The following UBAP2 variants were observed in gnomAD, a reference collection of about 807,000 sequenced individuals.
UBAP2 encodes ubiquitin-associated protein 2.
UBAP2 carries 75 observed loss-of-function variants against 139.6 expected under a neutral mutation model. The ratio of observed to expected loss-of-function variants is 0.54; its 90% CI spans 0.45 to 0.65. The LOEUF is 0.65. UBAP2 is among the 30% of genes least tolerant of loss of function. UBAP2 has a pLI of 0.00. For missense variants in UBAP2, 1,368 were observed against 1,369.6 expected, an observed-to-expected ratio of 1.00 and a Z score of 0.02; for synonymous variants, 526 against 526.2, an observed-to-expected ratio of 1.00 and a Z score of 0.01.
intron 1 of UBAP2, among the ~76,000 whole-genome samples, chr9:34,031,082 C>G (rs895050812): frequency 4.6e-5 from 7 of 151,958 alleles, no homozygotes; most frequent in African/African-American, 1.7e-4. Context: ...AGTTTGAGAC[C>G]AGCCTGGCCA....
At chr9:34,049,176 T>C (rs574894834), upstream of UBAP2, among the ~76,000 whole-genome samples, 28 of 152,304 alleles carry the variant, frequency 1.8e-4, 1 homozygote, top group African/African-American at 6.3e-4. Flanking sequence ...CAACTGCAGC[T>C]CGTCGTCGCG....
At chr9:33,943,691 T>A in intron 14 of UBAP2, 102 bp from the exon 15 acceptor site, 1 of 1,069,310 alleles carries the variant, frequency 9.4e-7, no homozygotes, top group Non-Finnish European at 1.3e-6. Flanking sequence ...CAGGCAATAC[T>A]GGCAAGAAGA....
chr9:34,002,201 A>C (rs893631356), intron 2 of UBAP2, among the ~76,000 whole-genome samples: 8 of 151,846 alleles, frequency 5.3e-5, no homozygotes, highest in African/African-American at 1.9e-4. Context: ...CAATCCTCCT[A>C]CTTCTGCCTC....
chr9:33,962,645 AAAATAAAT>A (rs57313855), intron 9 of UBAP2, among the ~76,000 whole-genome samples: 122 of 139,278 alleles, frequency 8.8e-4, no homozygotes, highest in African/African-American at 2.6e-3. Flanking sequence ...CTCTATCTCA[AAAATAAAT>A]AAATAAATAA....
At chr9:33,941,048 A>G (rs184813304) in intron 16 of UBAP2, among the ~76,000 whole-genome samples, 1 of 152,302 alleles carries the variant, frequency 6.6e-6, no homozygotes, top group East Asian at 1.9e-4. Context: ...GTGACATGAA[A>G]TGTGTATACT....
At chr9:34,008,099 C>A (rs1455487880) in intron 2 of UBAP2, among the ~76,000 whole-genome samples, 1 of 152,000 alleles carries the variant, frequency 6.6e-6, no homozygotes, top group African/African-American at 2.4e-5. Context: ...CGCGCCACTG[C>A]ACTCCAGCAT....
chr9:34,002,071 C>A lies in UBAP2; in HGVS notation c.100-3207G>T, dbSNP rs540095224. 3.3e-5 allele frequency among the ~76,000 whole-genome samples: 5 copies of A among 152,134 alleles called. No individual in the cohort carries two copies. The East Asian group carries it at 5.8e-4, about 18-fold the overall frequency. On this transcript the variant is annotated intron_variant, in intron 2 of 28. Coordinates refer to ENST00000379238, the MANE Select transcript of UBAP2 (RefSeq NM_001370062.2). ...TCCCAGGCTCAAGCACTCCTCTGAC[C>A]TCAGCCTCCTGAGTAGCAACCATGG...
At chr9:34,026,561 C>G (rs149166426) in intron 1 of UBAP2, among the ~76,000 whole-genome samples, 98 of 152,212 alleles carry the variant, frequency 6.4e-4, no homozygotes, top group African/African-American at 2.3e-3. Context: ...GGATGGGTCT[C>G]AGGTCCTTCA....
Position 33,935,896 on chromosome 9 carries a change from G to T in UBAP2, c.1930-18C>A, listed in dbSNP as rs368962515. The T allele has an allele frequency of 1.2e-5, 20 of 1,609,450 alleles. No homozygotes were observed. The Admixed American group carries it at 1.4e-4, about 11-fold the overall frequency. On this transcript the variant is annotated intron_variant, in intron 16 of 28. Transcript: ENST00000379238. ...TGTCCATTCTATAAGGAAAAGAAGA[G>T]AAGAGAATATAAACTTACAAAATGA...
At chr9:33,926,361 G>A (rs1823428585) in intron 22 of UBAP2, among the ~76,000 whole-genome samples, 1 of 152,172 alleles carries the variant, frequency 6.6e-6, no homozygotes, top group African/African-American at 2.4e-5. Context: ...CATTTAACAG[G>A]GGACATGGCC....
chr9:33,959,044 G>T (rs954937940), intron 10 of UBAP2, among the ~76,000 whole-genome samples: 1 of 151,936 alleles, frequency 6.6e-6, no homozygotes, highest in African/African-American at 2.4e-5. Flanking sequence ...AGCTACTCAG[G>T]TGGCTGGGGC....
chr9:33,982,986 T>C (rs1820901062), intron 6 of UBAP2, among the ~76,000 whole-genome samples: 1 of 151,820 alleles, frequency 6.6e-6, no homozygotes, highest in Admixed American at 6.6e-5. Context: ...TTCAAGCAAT[T>C]CTCTGCCCCG....
intron 1 of UBAP2, among the ~76,000 whole-genome samples, chr9:34,044,184 G>A (rs1047922410): frequency 1.3e-5 from 2 of 151,318 alleles, no homozygotes; most frequent in East Asian, 1.9e-4. Flanking sequence ...GATCACACAC[G>A]AGGTCAGGAG....
At chr9:34,036,518 TTC>T (rs912404478) in intron 1 of UBAP2, among the ~76,000 whole-genome samples, 3 of 152,150 alleles carry the variant, frequency 2.0e-5, no homozygotes, top group African/African-American at 7.2e-5. Context: ...AACAATGCTT[TTC>T]TCTGTCACAG....
chr9:34,031,800 A>AG (rs1373159209), intron 1 of UBAP2, among the ~76,000 whole-genome samples: 3 of 151,832 alleles, frequency 2.0e-5, no homozygotes, highest in African/African-American at 7.3e-5. Flanking sequence ...AAAAAAAAAA[A>AG]AAAGAAAGAA....
intron 4 of UBAP2, among the ~76,000 whole-genome samples, chr9:33,993,926 G>A (rs1230960154): frequency 7.3e-6 from 1 of 136,114 alleles, no homozygotes; most frequent in Non-Finnish European, 1.5e-5. Context: ...ACCGAGTCTC[G>A]CACTGTCGCC....
intron 1 of UBAP2, among the ~76,000 whole-genome samples, chr9:34,020,570 C>A (rs1824850722): frequency 6.6e-6 from 1 of 151,976 alleles, no homozygotes; most frequent in Non-Finnish European, 1.5e-5. Flanking sequence ...AGGTGATCCA[C>A]CAGCCTTGGC....
chr9:34,005,285 A>T (rs1427921744), intron 2 of UBAP2, among the ~76,000 whole-genome samples: 1 of 147,464 alleles, frequency 6.8e-6, no homozygotes, highest in Non-Finnish European at 1.5e-5. Context: ...AAAAAAAAAA[A>T]TTAGCCAGGC....
chr9:33,927,873 C>A lies in UBAP2; in HGVS notation c.2295G>T (p.Ala765=). The change falls in exon 20 of 29, where the codon GCG becomes GCT. Residue 765 remains alanine, a synonymous_variant. Transcript: ENST00000379238. ...GGGTCCCACCCAGACAGAGGCTGTT[C>A]GCGGTGTTCATGCTACTGGACAGGC... ...GASLSSSMNT[A]NSLCLGGTPA... 2 of 1,614,218 alleles carry A rather than the reference C, an allele frequency of 1.2e-6. No homozygotes were observed. The highest frequency in any genetic ancestry group is 1.7e-6 in the Non-Finnish European group (2 of 1,180,038).
Sources: gnomAD v4.1 joint callset for allele counts (sites outside exome capture counted in the v4.1 genomes callset) on GRCh38, gnomAD v4.1.1 for gene constraint, MANE v1.5 for transcripts, NCBI Gene and HGNC (gene_info 2026-07-23, HGNC 2026-07-21) for gene names.